The following KIF2A variants were observed in gnomAD, a reference collection of about 807,000 sequenced individuals.
KIF2A encodes kinesin-like protein KIF2A.
Under a neutral mutation model 100.2 loss-of-function variants are expected in KIF2A, and 22 were observed. The ratio of observed to expected loss-of-function variants is 0.22; its 90% CI spans 0.16 to 0.31. KIF2A has a LOEUF of 0.31. Among genes scored for constraint, KIF2A ranks in the 10% least tolerant of loss-of-function variants. The pLI, the probability that KIF2A is intolerant of heterozygous loss-of-function variation, is 1.00. For missense variants in KIF2A, 495 were observed against 898.7 expected, an observed-to-expected ratio of 0.55 and a Z score of 5.74; for synonymous variants, 268 against 285.9, an observed-to-expected ratio of 0.94 and a Z score of 0.63.
At position 62,389,466 on chromosome 5, in the gene KIF2A, A is replaced by T. The variant is rs977380173; in HGVS notation, c.*3897A>T. Among the ~76,000 whole-genome samples, 2 of 119,296 alleles carry T rather than the reference A, an allele frequency of 1.7e-5. No individual in the cohort carries two copies. The highest frequency in any genetic ancestry group is 5.2e-4 in the South Asian group (2 of 3,846). The allele number at this position is 119,296 out of a possible 152,430, so 78.3% of individuals were successfully genotyped here. A position where few individuals can be genotyped will look rare whatever the true frequency, so the allele number is the denominator to read the frequency against. ...GTGCCACTGGAGTCCAGCCTGGGTG[A>T]CAGAGCAAGACTCTGTCTCAAAAAA... On this transcript the variant is annotated 3_prime_UTR_variant, in exon 21 of 21. Coordinates refer to ENST00000407818, the MANE Select transcript of KIF2A (RefSeq NM_001098511.3).
At chr5:62,354,510 C>G (rs182471140) in intron 6 of KIF2A, among the ~76,000 whole-genome samples, 137 of 152,182 alleles carry the variant, frequency 9.0e-4, no homozygotes, top group African/African-American at 3.1e-3. Flanking sequence ...CTATTTGTAT[C>G]TTAATCTGAA....
In KIF2A at chr5:62,358,153, T is replaced by G; in HGVS notation, c.726T>G (p.Asp242Glu). 5 of 1,575,624 alleles carry G rather than the reference T, an allele frequency of 3.2e-6. No individual in the cohort carries two copies. The highest frequency in any genetic ancestry group is 4.3e-6 in the Non-Finnish European group (5 of 1,167,074). ...TTCTTTTAGAAACTCAAATGAAAGA[T>G]CTTGATGTAATCACAATTCCTAGTA... Reference protein sequence around the residue: ...PLNKKETQMKDLDVITIPSKD... With the variant: ...PLNKKETQMKELDVITIPSKD... Residue 242 changes from aspartate to glutamate, a missense_variant, in exon 9 of 21, where the codon GAT (aspartate) becomes GAG (glutamate). Asp to Glu is a conservative substitution (Grantham distance 45). Around this residue, in one of 10 missense-constraint regions of KIF2A, gnomAD observed 109 missense variants for 244.2 expected, o/e 0.45. Transcript: ENST00000407818.
chr5:62,308,165 G>A (rs1235459257), intron 1 of KIF2A: 4 of 319,264 alleles, frequency 1.3e-5, no homozygotes, highest in African/African-American at 8.5e-5. Context: ...TATATGAAAA[G>A]ATAAATTATA....
chr5:62,336,669 C>T (rs895232495), intron 1 of KIF2A, among the ~76,000 whole-genome samples: 23 of 151,982 alleles, frequency 1.5e-4, no homozygotes, highest in African/African-American at 3.1e-4. Context: ...GTAGCTTTAG[C>T]GGCTTATAAA....
rs1030501075 is a variant in KIF2A, at chr5:62,316,360, A to G, written c.64+9824A>G. On this transcript the variant is annotated intron_variant, in intron 1 of 20. Transcript: ENST00000407818. ...TGAGGTGTTTTATTTCTTGAAATGCAGCTGCTCTTTTTTACTTTTTCTTTG... is the reference window on the plus strand; with the variant it reads ...TGAGGTGTTTTATTTCTTGAAATGCGGCTGCTCTTTTTTACTTTTTCTTTG... 2.0e-5 allele frequency among the ~76,000 whole-genome samples: 3 copies of G among 152,316 alleles called. No individual in the cohort carries two copies. In the South Asian group the frequency reaches 6.2e-4, roughly 32 times the overall value.
In KIF2A at chr5:62,352,667, T is replaced by A; in HGVS notation, c.414T>A (p.Asp138Glu). 6.2e-7 allele frequency: 1 copy of A among 1,611,382 alleles called. No homozygotes were observed. Among genetic ancestry groups the A allele is most frequent in the Non-Finnish European group, 8.5e-7 (1 of 1,178,412 alleles). The change falls in exon 5 of 21, where the codon GAT becomes GAA. Residue 138 changes from aspartate to glutamate, a missense_variant. Coordinates refer to ENST00000407818, the MANE Select transcript of KIF2A (RefSeq NM_001098511.3). Reference protein sequence around the residue: ...SSAQQNGSVSDISPVQAAKKE... With the variant: ...SSAQQNGSVSEISPVQAAKKE... Reference sequence around the variant, plus strand: ...CACAACAGAATGGTAGTGTTTCAGATATATCTCCAGTTCAAGCTGCAAAAA... The same window carrying A: ...CACAACAGAATGGTAGTGTTTCAGAAATATCTCCAGTTCAAGCTGCAAAAA...
At chr5:62,330,357 AAG>A (rs2111842187) in intron 1 of KIF2A, among the ~76,000 whole-genome samples, 1 of 152,284 alleles carries the variant, frequency 6.6e-6, no homozygotes, top group South Asian at 2.1e-4. Flanking sequence ...AGAGAAAAAA[AAG>A]AAAGAATAAT....
Position 62,389,666 on chromosome 5 carries a change from A to G in KIF2A, c.*4097A>G, listed in dbSNP as rs971511062. Among the ~76,000 whole-genome samples, 5 of 152,098 alleles carry G rather than the reference A, an allele frequency of 3.3e-5. No homozygotes were observed. The highest frequency in any genetic ancestry group is 1.2e-4 in the African/African-American group (5 of 41,396). ...AACTCACTGGCATTTGTTTCAAGGT[A>G]ACTGAACAAGAAGCTGTTTGGAATT... On this transcript the variant is annotated 3_prime_UTR_variant, in exon 21 of 21. Coordinates refer to ENST00000407818, the MANE Select transcript of KIF2A (RefSeq NM_001098511.3).
Position 62,365,334 on chromosome 5 carries a change from A to C in KIF2A, c.1559A>C (p.Glu520Ala). The C allele has an allele frequency of 6.3e-7, 1 of 1,580,098 alleles. No individual in the cohort carries two copies. The highest frequency in any genetic ancestry group is 8.7e-7 in the Non-Finnish European group (1 of 1,153,048). Residue 520 changes from glutamate to alanine, a missense_variant, in exon 15 of 21, where the codon GAA becomes GCA. Coordinates refer to ENST00000407818, the MANE Select transcript of KIF2A (RefSeq NM_001098511.3). The stretch of plus-strand genomic sequence containing the variant: ...GTGTTAAGAGATTCTTTCATAGGTG[A>C]AAACTCTCGTACCTGCATGGTAAGT... The part of the protein sequence containing the change: ...TQVLRDSFIG[E>A]NSRTCMIATI...
At chr5:62,370,854 T>C (rs1741290873) in intron 16 of KIF2A, among the ~76,000 whole-genome samples, 1 of 152,162 alleles carries the variant, frequency 6.6e-6, no homozygotes, top group South Asian at 2.1e-4. Flanking sequence ...TAGTCTGGCT[T>C]GGGCAAGAGG....
intron 12 of KIF2A, among the ~76,000 whole-genome samples, chr5:62,362,762 T>C (rs923702973): frequency 6.6e-6 from 1 of 152,224 alleles, no homozygotes; most frequent in African/African-American, 2.4e-5. Context: ...GTGTTGAGAA[T>C]TCTTATTCCA....
intron 8 of KIF2A, 70 bp from the exon 9 acceptor site, chr5:62,358,067 A>G (rs1748206776): frequency 5.9e-6 from 7 of 1,189,646 alleles, no homozygotes; most frequent in Non-Finnish European, 1.2e-6. Flanking sequence ...CTTACTACTT[A>G]AAATAATTTT....
chr5:62,326,139 T>A (rs1746367193), intron 1 of KIF2A, among the ~76,000 whole-genome samples: 1 of 151,770 alleles, frequency 6.6e-6, no homozygotes, highest in Admixed American at 6.6e-5. Context: ...TAAAAAAAAA[T>A]GCCTCTGCAG....
chr5:62,363,970 ATAG>A (rs1740930075), intron 14 of KIF2A, 71 bp downstream of exon 14: 1 of 1,163,348 alleles, frequency 8.6e-7, no homozygotes, highest in Admixed American at 2.4e-5. Flanking sequence ...CAGTTGCAAA[ATAG>A]TAGTACTTGT....
chr5:62,316,486 A>G (rs895701873), intron 1 of KIF2A, among the ~76,000 whole-genome samples: 1 of 152,158 alleles, frequency 6.6e-6, no homozygotes, highest in Non-Finnish European at 1.5e-5. Context: ...TCTTAACTAC[A>G]GTTTGCAATT....
In KIF2A at chr5:62,388,580, A is replaced by G; in HGVS notation, c.*3011A>G. On this transcript the variant is annotated 3_prime_UTR_variant, in exon 21 of 21. Transcript: ENST00000407818. The stretch of plus-strand genomic sequence containing the variant: ...GTGAATAACAAGAAATGGTACGGGG[A>G]ATGTGAATAACACGAAATGGTATGG... 1 of 159,830 alleles carries G rather than the reference A, an allele frequency of 6.3e-6. No homozygotes were observed. Among genetic ancestry groups the G allele is most frequent in the Non-Finnish European group, 1.4e-5 (1 of 73,262 alleles). 9.9% of individuals were successfully genotyped at this position (159,830 alleles called of 1,614,324 possible).
chr5:62,373,329 G>A (rs1306058064), intron 17 of KIF2A, among the ~76,000 whole-genome samples: 3 of 151,644 alleles, frequency 2.0e-5, no homozygotes, highest in Non-Finnish European at 4.4e-5. Flanking sequence ...TAATTTAATT[G>A]CAATAACATC....
intron 1 of KIF2A, chr5:62,308,207 C>T (rs1250925608): frequency 1.8e-5 from 9 of 487,756 alleles, no homozygotes; most frequent in Non-Finnish European, 6.9e-6. Context: ...ACCAATAACA[C>T]TAATGGGAAA....
In KIF2A at chr5:62,388,751, AGTT is replaced by A. The variant is rs2112027558; in HGVS notation, c.*3185_*3187del. On this transcript the variant is annotated 3_prime_UTR_variant, in exon 21 of 21. Coordinates refer to ENST00000407818, the MANE Select transcript of KIF2A (RefSeq NM_001098511.3). ...AAACTGTTAGAAATGATAAGTGTAA[AGTT>A]GTGCGTCTCTGCGGCTCCTGAACTT... is the stretch of plus-strand genomic sequence containing the variant. 1 of 487,928 alleles carries A rather than the reference AGTT, an allele frequency of 2.0e-6. No individual in the cohort carries two copies. 30.2% of individuals were successfully genotyped at this position (487,928 alleles called of 1,614,324 possible).
Sources: allele counts gnomAD v4.1 joint callset (sites outside exome capture counted in the v4.1 genomes callset), GRCh38; gene constraint gnomAD v4.1.1; regional missense constraint gnomAD v4.1.1; transcripts MANE v1.5; gene names NCBI Gene and HGNC (gene_info 2026-07-23, HGNC 2026-07-21).